Variants in CD247 observed in about 807,000 individuals in gnomAD.
CD247 encodes the protein T-cell surface glycoprotein CD3 zeta chain.
A neutral mutation model predicts 30.0 loss-of-function variants in CD247; 13 were observed. The observed-to-expected ratio is 0.43, with a 90% CI of 0.28 to 0.69. The LOEUF is 0.69. CD247 is among the 30% of genes least tolerant of loss of function. The pLI is 0.16. For missense variants in CD247, 193 were observed against 212.6 expected, an observed-to-expected ratio of 0.91 and a Z score of 0.57; for synonymous variants, 72 against 80.0, an observed-to-expected ratio of 0.90 and a Z score of 0.53.
At chr1:167,482,585 T>A (rs1442095873) in intron 1 of CD247, among the ~76,000 whole-genome samples, 2 of 152,024 alleles carry the variant, frequency 1.3e-5, no homozygotes, top group Admixed American at 1.3e-4. Context: ...CTTCTAAGAG[T>A]GGAGAATCGT....
intron 1 of CD247, among the ~76,000 whole-genome samples, chr1:167,493,749 G>T (rs1362025954): frequency 6.6e-6 from 1 of 152,192 alleles, no homozygotes; most frequent in African/African-American, 2.4e-5. Context: ...CAAGTGACGT[G>T]TCCGAGGCCC....
At chr1:167,471,813 TTTTCTTTCTG>T (rs1653536767) in intron 1 of CD247, among the ~76,000 whole-genome samples, 2 of 151,284 alleles carry the variant, frequency 1.3e-5, no homozygotes, top group Admixed American at 1.3e-4. Context: ...TTTCTTTTTT[TTTTCTTTCTG>T]TTTCTTTCTT....
chr1:167,501,782 GC>G (rs1654919028), intron 1 of CD247, among the ~76,000 whole-genome samples: 1 of 152,240 alleles, frequency 6.6e-6, no homozygotes, highest in African/African-American at 2.4e-5. Flanking sequence ...AGCCACAGCT[GC>G]CACCTTTGCC....
intron 1 of CD247, among the ~76,000 whole-genome samples, chr1:167,508,219 C>A (rs568835798): frequency 1.4e-4 from 22 of 152,274 alleles, no homozygotes; most frequent in African/African-American, 5.1e-4. Context: ...ATTAGAGGCA[C>A]CCCACCACTC....
rs143085981 is a variant in CD247, at chr1:167,451,804, C to T, written c.59-11037G>A. Reference sequence around the variant, plus strand: ...GGCCCTGATCCAATATGACTCGTGTCCTTGTAAGAAGACAAGATTAGGTCG... The same window carrying T: ...GGCCCTGATCCAATATGACTCGTGTTCTTGTAAGAAGACAAGATTAGGTCG... On this transcript the variant is annotated intron_variant, in intron 1 of 7. Transcript: ENST00000362089. Among the ~76,000 whole-genome samples, 3 of 152,316 alleles carry T rather than the reference C, an allele frequency of 2.0e-5. No homozygotes were observed. In the East Asian group the frequency reaches 5.8e-4, roughly 29 times the overall value.
chr1:167,479,031 C>T (rs1276309027), intron 1 of CD247, among the ~76,000 whole-genome samples: 1 of 152,144 alleles, frequency 6.6e-6, no homozygotes, highest in Non-Finnish European at 1.5e-5. Flanking sequence ...TTATTTTGCT[C>T]TCTATTTAAA....
intron 1 of CD247, among the ~76,000 whole-genome samples, chr1:167,472,734 C>T (rs555540877): frequency 2.8e-4 from 43 of 152,164 alleles, no homozygotes; most frequent in African/African-American, 9.9e-4. Context: ...CTGTTGGAAG[C>T]GCTCTAAATA....
At position 167,483,325 on chromosome 1, in the gene CD247, A is replaced by T. The variant is rs186960273; in HGVS notation, c.58+35083T>A. On this transcript the variant is annotated intron_variant, in intron 1 of 7. Coordinates refer to ENST00000362089, the MANE Select transcript of CD247 (RefSeq NM_198053.3). ...ACCCAGTGAGCTAACCAATATGCTA[A>T]TGACTTCAGTTGATCAACCACAGTG... Among the ~76,000 whole-genome samples the T allele has an allele frequency of 1.3e-3, 195 of 152,228 alleles. 1 individual carries two copies. Among genetic ancestry groups the T allele is most frequent in the African/African-American group, 4.6e-3 (191 of 41,554 alleles).
chr1:167,487,342 C>A (rs1445557866), intron 1 of CD247, among the ~76,000 whole-genome samples: 1 of 152,196 alleles, frequency 6.6e-6, no homozygotes, highest in Non-Finnish European at 1.5e-5. Context: ...TGCCACTGCA[C>A]TCCAGCCTGA....
intron 1 of CD247, 42 bp from the exon 2 acceptor site, chr1:167,440,809 C>A (rs763514998): frequency 7.7e-7 from 1 of 1,298,326 alleles, no homozygotes; most frequent in Non-Finnish European, 1.1e-6. Context: ...CCCAAGGTGA[C>A]GAGAACACAT....
Position 167,431,461 on chromosome 1 carries a change from G to C in CD247, c.*220C>G, listed in dbSNP as rs1444432022. 1 of 621,044 alleles carries C rather than the reference G, an allele frequency of 1.6e-6. No homozygotes were observed. Among genetic ancestry groups the C allele is most frequent in the South Asian group, 1.9e-5 (1 of 52,946 alleles). 38.5% of individuals were successfully genotyped at this position (621,044 alleles called of 1,614,324 possible). ...ACCACCGGCAAACCAGAGGGCCCAA[G>C]GCCAGGGCCGTAAGCCCTGGGAGTA... On this transcript the variant is annotated 3_prime_UTR_variant, in exon 8 of 8. Transcript: ENST00000362089.
intron 1 of CD247, among the ~76,000 whole-genome samples, chr1:167,488,212 T>A: frequency 6.6e-6 from 1 of 152,246 alleles, no homozygotes; most frequent in East Asian, 1.9e-4. Flanking sequence ...CTATAAGAGA[T>A]GATGATCATA....
chr1:167,456,694 A>T (rs1361373458), intron 1 of CD247, among the ~76,000 whole-genome samples: 1 of 152,144 alleles, frequency 6.6e-6, no homozygotes, highest in Admixed American at 6.5e-5. Context: ...AGATTCTACG[A>T]ATATATCCAG....
chr1:167,486,349 G>A (rs560628169), intron 1 of CD247, among the ~76,000 whole-genome samples: 3 of 152,358 alleles, frequency 2.0e-5, no homozygotes, highest in Admixed American at 6.5e-5. Flanking sequence ...TGCGGGACAT[G>A]AGCAGGTCAC....
intron 1 of CD247, among the ~76,000 whole-genome samples, chr1:167,510,756 G>A (rs139816796): frequency 6.6e-6 from 1 of 152,132 alleles, no homozygotes; most frequent in Non-Finnish European, 1.5e-5. Context: ...AGCAAAAGAG[G>A]GGGGTAGGGG....
rs139926301 is a variant in CD247, at chr1:167,438,582, C to A, written c.288G>T (p.Met96Ile). ...LDKRRGRDPEMGGKPQRRKNP... is the reference protein window; with the variant it reads ...LDKRRGRDPEIGGKPQRRKNP... ...GAGGAACCCCTACCGGCTTTCCCCCCATCTCAGGGTCCCGGCCACGTCTCT... is the reference window on the plus strand; with the variant it reads ...GAGGAACCCCTACCGGCTTTCCCCCAATCTCAGGGTCCCGGCCACGTCTCT... Residue 96 changes from methionine to isoleucine, a missense_variant, in exon 4 of 8, where the codon ATG becomes ATT. Transcript: ENST00000362089. 161 of 1,613,762 alleles carry A rather than the reference C, an allele frequency of 1.0e-4. No individual in the cohort carries two copies. Among genetic ancestry groups the A allele is most frequent in the Non-Finnish European group, 1.2e-4 (146 of 1,179,768 alleles).
At chr1:167,464,382 C>T (rs369360051) in intron 1 of CD247, among the ~76,000 whole-genome samples, 1 of 152,118 alleles carries the variant, frequency 6.6e-6, no homozygotes, top group East Asian at 1.9e-4. Flanking sequence ...GGGCTCCCTG[C>T]TGAGTGATGG....
At chr1:167,439,937 C>CGA in intron 2 of CD247, 1 of 168,826 alleles carries the variant, frequency 5.9e-6, no homozygotes, top group South Asian at 1.5e-4. Flanking sequence ...GCTGACACAG[C>CGA]CTCACTCCTG....
intron 1 of CD247, among the ~76,000 whole-genome samples, chr1:167,480,785 C>T (rs1653941865): frequency 1.3e-5 from 2 of 152,018 alleles, no homozygotes; most frequent in African/African-American, 2.4e-5. Context: ...TATAATTTTG[C>T]TTTTGAAATT....
Sources: gnomAD v4.1 joint callset for allele counts (sites outside exome capture counted in the v4.1 genomes callset) on GRCh38, gnomAD v4.1.1 for gene constraint, MANE v1.5 for transcripts, NCBI Gene and HGNC (gene_info 2026-07-23, HGNC 2026-07-21) for gene names.